KDM2B: variants seen among roughly 807,000 people sequenced by gnomAD.
KDM2B encodes the protein lysine-specific demethylase 2B.
Under a neutral mutation model 150.0 loss-of-function variants are expected in KDM2B, and 26 were observed. That is an observed-to-expected ratio of 0.17 (90% confidence interval 0.13 to 0.24). The LOEUF (loss-of-function observed/expected upper bound fraction) is 0.24, where lower values mean the gene tolerates loss of function less well. Ranked by LOEUF, KDM2B falls within the 10% of genes least tolerant of loss-of-function variation. The probability of loss-of-function intolerance (pLI) is 1.00; values close to 1 mark genes in which losing one functional copy is unlikely to be tolerated. For missense variants in KDM2B, 1,265 were observed against 1,816.9 expected (o/e 0.70, Z 5.52); for synonymous variants, 734 against 729.5 (o/e 1.01, Z -0.10).
At chr12:121,522,668 C>T (rs1167063750) in intron 8 of KDM2B, among the ~76,000 whole-genome samples, 4 of 151,798 alleles carry the variant, frequency 2.6e-5, no homozygotes, top group East Asian at 1.9e-4. Flanking sequence ...GTCAATATGG[C>T]GAAACCCCGT....
chr12:121,417,391 C>A, the KDM2B span: 1 of 806,722 alleles, frequency 1.2e-6, no homozygotes, highest in Non-Finnish European at 1.9e-6. The surrounding 1 kb of genome is among the most constrained non-coding windows in gnomAD (Gnocchi z 5.0). Context: ...AGTCTGGTGC[C>A]ACTGGGGACT....
At chr12:121,447,391 G>A (rs143934056) in intron 13 of KDM2B, among the ~76,000 whole-genome samples, 76 of 151,778 alleles carry the variant, frequency 5.0e-4, no homozygotes, top group Admixed American at 7.9e-4. Context: ...ACAGGTGCCC[G>A]CCACCACGCC....
At chr12:121,446,893 G>A (rs1170315162) in intron 13 of KDM2B, among the ~76,000 whole-genome samples, 1 of 152,104 alleles carries the variant, frequency 6.6e-6, no homozygotes, top group Admixed American at 6.5e-5. Context: ...TGGAAAATCC[G>A]CCTAACTCAG....
In KDM2B at chr12:121,549,581, C is replaced by T; in HGVS notation, c.455G>A (p.Ser152Asn). ...DVNTQKGTEM[S>N]MSQFVRYYET... ...GTAGTAACGCACAAACTGGGACATG[C>T]TCATCTCCGTGCCCTTCTGGGTGTT... Residue 152 changes from serine (S) to asparagine (N), a missense_variant, in exon 5 of 23, where the codon AGC becomes AAC. Transcript: ENST00000377071. The surrounding 1 kb of genome is among the most constrained non-coding windows in gnomAD (Gnocchi z 4.4). 1.9e-6 allele frequency: 3 copies of T among 1,612,800 alleles called. No individual in the cohort carries two copies. The highest frequency in any genetic ancestry group is 2.5e-6 in the Non-Finnish European group (3 of 1,179,086).
chr12:121,465,556 G>T (rs1593843682), intron 12 of KDM2B, among the ~76,000 whole-genome samples: 1 of 152,132 alleles, frequency 6.6e-6, no homozygotes, highest in African/African-American at 2.4e-5. Context: ...CTTAACAGAA[G>T]TTTCTCTCAG....
At chr12:121,484,161 GC>G (rs779435166) in intron 12 of KDM2B, among the ~76,000 whole-genome samples, 3 of 152,136 alleles carry the variant, frequency 2.0e-5, no homozygotes, top group Non-Finnish European at 4.4e-5. Context: ...CACAGGCTGA[GC>G]CCAACCAGAG....
At chr12:121,450,232 T>A (rs1262423480) in intron 13 of KDM2B, among the ~76,000 whole-genome samples, 1 of 150,800 alleles carries the variant, frequency 6.6e-6, no homozygotes, top group African/African-American at 2.4e-5. Context: ...GATAATTTCT[T>A]GAACCCAGGA....
At chr12:121,471,443 T>C (rs1880760718) in intron 12 of KDM2B, among the ~76,000 whole-genome samples, 1 of 152,108 alleles carries the variant, frequency 6.6e-6, no homozygotes, top group South Asian at 2.1e-4. Context: ...CTGATCTGCC[T>C]ATCAGAGAGT....
At chr12:121,460,237 T>A (rs1878909578) in intron 12 of KDM2B, among the ~76,000 whole-genome samples, 1 of 152,240 alleles carries the variant, frequency 6.6e-6, no homozygotes, top group Non-Finnish European at 1.5e-5. Flanking sequence ...TCCCCTAGTC[T>A]GAAAGGCATT....
chr12:121,516,322 A>C, intron 9 of KDM2B: 1 of 393,692 alleles, frequency 2.5e-6, no homozygotes. Context: ...GGGAAAGATA[A>C]GTCTCCCTTC....
intron 13 of KDM2B, among the ~76,000 whole-genome samples, chr12:121,450,238 C>CA (rs1482180538): frequency 6.6e-6 from 1 of 151,132 alleles, no homozygotes; most frequent in Admixed American, 6.6e-5. Flanking sequence ...TTCTTGAACC[C>CA]AGGAGGCAGA....
chr12:121,489,164 T>C (rs1351816351), intron 12 of KDM2B, among the ~76,000 whole-genome samples: 1 of 152,092 alleles, frequency 6.6e-6, no homozygotes, highest in Non-Finnish European at 1.5e-5. Flanking sequence ...AGGCTGGTCT[T>C]GAACTCCTGA....
At chr12:121,428,848 C>CT (rs1361922322), downstream of KDM2B, among the ~76,000 whole-genome samples, 1 of 152,244 alleles carries the variant, frequency 6.6e-6, no homozygotes, top group African/African-American at 2.4e-5. Context: ...TCTCCCAAAT[C>CT]TGGCGAACTT....
chr12:121,556,944 AG>A (rs1256516476), intron 4 of KDM2B, among the ~76,000 whole-genome samples: 4 of 152,140 alleles, frequency 2.6e-5, no homozygotes, highest in Non-Finnish European at 5.9e-5. Context: ...AATTTTAAAA[AG>A]AAAAAAAGGT....
intron 12 of KDM2B, among the ~76,000 whole-genome samples, chr12:121,466,416 GTTTTACACACAGA>G (rs1879933484): frequency 6.6e-6 from 1 of 152,134 alleles, no homozygotes; most frequent in South Asian, 2.1e-4. Flanking sequence ...CCAGGGCTTT[GTTTTACACACAGA>G]TTTCTCCCCC....
intron 11 of KDM2B, among the ~76,000 whole-genome samples, chr12:121,508,126 G>A (rs1487747493): frequency 6.6e-6 from 1 of 152,120 alleles, no homozygotes; most frequent in African/African-American, 2.4e-5. Context: ...TTGCTCTGTT[G>A]CCCAGGCTAG....
intron 12 of KDM2B, among the ~76,000 whole-genome samples, chr12:121,484,751 G>A (rs782814584): frequency 2.0e-5 from 3 of 152,120 alleles, no homozygotes; most frequent in Non-Finnish European, 4.4e-5. Flanking sequence ...CCGGGAGGTC[G>A]AGGCTGCAGT....
chr12:121,411,437 G>GA, the KDM2B span, among the ~76,000 whole-genome samples: 7 of 150,964 alleles, frequency 4.6e-5, no homozygotes, highest in Non-Finnish European at 5.9e-5. Flanking sequence ...CTGTGTAGTT[G>GA]AAAAAAAAAT....
At chr12:121,565,847 G>A (rs547742920) in intron 4 of KDM2B, among the ~76,000 whole-genome samples, 1 of 151,978 alleles carries the variant, frequency 6.6e-6, no homozygotes, top group African/African-American at 2.4e-5. Context: ...GGCTGGTCTC[G>A]AACTCCTGAC....
Sources: allele counts gnomAD v4.1 joint callset (sites outside exome capture counted in the v4.1 genomes callset), GRCh38; gene constraint gnomAD v4.1.1; non-coding constraint Gnocchi (gnomAD v3.1); transcripts MANE v1.5; gene names NCBI Gene and HGNC (gene_info 2026-07-23, HGNC 2026-07-21).